The following ATP13A5 variants were observed in gnomAD, a reference collection of about 807,000 sequenced individuals.
ATP13A5 encodes probable cation-transporting ATPase 13A5.
A neutral mutation model predicts 150.2 loss-of-function variants in ATP13A5; 149 were observed. That is an observed-to-expected ratio of 0.99 (90% CI 0.87 to 1.14). The LOEUF (loss-of-function observed/expected upper bound fraction) is 1.14, where lower values mean the gene tolerates loss of function less well. ATP13A5 is among the 50% of genes most tolerant of loss of function. The pLI is 0.00. For missense variants in ATP13A5, 1,383 were observed against 1,449.3 expected (o/e 0.95, Z 0.74); for synonymous variants, 497 against 522.2 (o/e 0.95, Z 0.66).
intron 26 of ATP13A5, among the ~76,000 whole-genome samples, chr3:193,288,400 C>A (rs1317370666): frequency 1.3e-5 from 2 of 152,122 alleles, no homozygotes; most frequent in Non-Finnish European, 2.9e-5. Context: ...TATACCCCAA[C>A]CTTCAACAAC....
chr3:193,376,978 A>G (rs1473177319), intron 1 of ATP13A5, among the ~76,000 whole-genome samples: 7 of 152,150 alleles, frequency 4.6e-5, no homozygotes, highest in Non-Finnish European at 1.0e-4. Flanking sequence ...TTCCTAATAG[A>G]CATTTCTGGT....
intron 2 of ATP13A5, 67 bp downstream of exon 2, chr3:193,364,040 T>G: frequency 6.7e-7 from 1 of 1,489,672 alleles, no homozygotes; most frequent in Non-Finnish European, 9.2e-7. Context: ...GCCACAGAGT[T>G]ATGCCACAGA....
chr3:193,330,560 G>A (rs1051861891), intron 12 of ATP13A5, among the ~76,000 whole-genome samples: 3 of 152,228 alleles, frequency 2.0e-5, no homozygotes, highest in Non-Finnish European at 4.4e-5. Flanking sequence ...ACGTCATGGG[G>A]GGGTGTCAGG....
In ATP13A5 at chr3:193,362,750, CTTCTTTCTTTCTTTCTTTCTTTCTTTCT is replaced by C. The variant is rs751840109; in HGVS notation, c.385-141_385-114del. The C allele has an allele frequency of 8.4e-4, 529 of 632,670 alleles. 37 individuals carry two copies. The highest frequency in any genetic ancestry group is 1.3e-3 in the African/African-American group (50 of 39,192). 39.2% of individuals were successfully genotyped at this position (632,670 alleles called of 1,614,324 possible). On this transcript the variant is annotated intron_variant, in intron 3 of 29. Transcript: ENST00000342358. ...CCCCTTGTGGGTCTCACTTGCTTTC[CTTCTTTCTTTCTTTCTTTCTTTCTTTCT>C]TTCTTTCTTTCTTTCTTTCTTTCTT...
At chr3:193,341,438 G>T (rs1712124309) in intron 9 of ATP13A5, among the ~76,000 whole-genome samples, 1 of 152,190 alleles carries the variant, frequency 6.6e-6, no homozygotes, top group African/African-American at 2.4e-5. Flanking sequence ...AGTTGGAAGA[G>T]AATCCAACGG....
chr3:193,301,865 C>G (rs369141896), intron 23 of ATP13A5, among the ~76,000 whole-genome samples: 1 of 151,952 alleles, frequency 6.6e-6, no homozygotes, highest in Non-Finnish European at 1.5e-5. Flanking sequence ...CAGGAAGACC[C>G]CAGGGTAATA....
At position 193,303,894 on chromosome 3, in the gene ATP13A5, T is replaced by TAC. The variant is rs1414633823; in HGVS notation, c.2678+1663_2678+1664dup. On this transcript the variant is annotated intron_variant, in intron 23 of 29. Coordinates refer to ENST00000342358, the MANE Select transcript of ATP13A5 (RefSeq NM_198505.4). ...ATATGTAACATGTTACACATATACATACACATACACACACACACACACACA... is the reference window on the plus strand; with the variant it reads ...ATATGTAACATGTTACACATATACATACACACATACACACACACACACACACA... 3.3e-5 allele frequency among the ~76,000 whole-genome samples: 5 copies of TAC among 150,364 alleles called. 1 individual carries two copies. Among genetic ancestry groups the TAC allele is most frequent in the Non-Finnish European group, 7.4e-5 (5 of 67,890 alleles).
chr3:193,282,717 T>C (rs552434137), intron 27 of ATP13A5, among the ~76,000 whole-genome samples: 1 of 152,242 alleles, frequency 6.6e-6, no homozygotes, highest in African/African-American at 2.4e-5. Context: ...GGATTTGTAA[T>C]GGAGAAAACA....
intron 29 of ATP13A5, 37 bp downstream of exon 29, chr3:193,276,713 G>A (rs1413275277): frequency 6.9e-7 from 1 of 1,447,998 alleles, no homozygotes; most frequent in South Asian, 1.2e-5. Flanking sequence ...TCCTTAATTT[G>A]TTTATCTTCC....
intron 7 of ATP13A5, among the ~76,000 whole-genome samples, chr3:193,349,872 G>C (rs983433744): frequency 6.6e-6 from 1 of 152,056 alleles, no homozygotes; most frequent in Non-Finnish European, 1.5e-5. Flanking sequence ...CATATGCCTT[G>C]ATGCAGTAAC....
At chr3:193,343,427 G>T (rs996341563) in intron 9 of ATP13A5, among the ~76,000 whole-genome samples, 1 of 152,184 alleles carries the variant, frequency 6.6e-6, no homozygotes, top group East Asian at 1.9e-4. Flanking sequence ...AGAACTGTGC[G>T]ATCGTCTTTG....
intron 5 of ATP13A5, among the ~76,000 whole-genome samples, chr3:193,361,039 G>GA: frequency 6.6e-6 from 1 of 152,126 alleles, no homozygotes; most frequent in South Asian, 2.1e-4. Context: ...TGATAAATAA[G>GA]AAAAAAACAT....
In ATP13A5 at chr3:193,344,036, G is replaced by A; in HGVS notation, c.834C>T (p.Ser278=). 1 of 1,613,200 alleles carries A rather than the reference G, an allele frequency of 6.2e-7. No homozygotes were observed. Among genetic ancestry groups the A allele is most frequent in the Non-Finnish European group, 8.5e-7 (1 of 1,179,472 alleles). Residue 278 remains serine (S), a synonymous_variant, in exon 9 of 30, where the codon TCC becomes TCT. Transcript: ENST00000342358. ...GAATGTCTCCGGGAACCAAGAGACG[G>A]GATTCCAGCTCCTCCAAACCTACAC... ...VKDKGLEELE[S]RLLVPGDILI... is the part of the protein sequence containing the mutation.
chr3:193,281,929 T>A (rs1717513385), intron 27 of ATP13A5, among the ~76,000 whole-genome samples: 1 of 151,898 alleles, frequency 6.6e-6, no homozygotes. Flanking sequence ...GGTGCAGTGG[T>A]TCACCCCTGT....
At chr3:193,301,161 T>G in intron 24 of ATP13A5, 50 bp downstream of exon 24, 2 of 1,338,508 alleles carry the variant, frequency 1.5e-6, no homozygotes, top group Non-Finnish European at 2.1e-6. Context: ...AATAATAAAT[T>G]AGGGACATAA....
chr3:193,292,388 G>A (rs2108830237), intron 25 of ATP13A5, among the ~76,000 whole-genome samples: 1 of 152,258 alleles, frequency 6.6e-6, no homozygotes, highest in South Asian at 2.1e-4. Flanking sequence ...GCTCATTGTA[G>A]TTTCTTGCCT....
At chr3:193,309,819 A>G (rs1458544443) in intron 21 of ATP13A5, among the ~76,000 whole-genome samples, 1 of 152,096 alleles carries the variant, frequency 6.6e-6, no homozygotes, top group Non-Finnish European at 1.5e-5. Context: ...GGCTGGTGAG[A>G]GATTTTTTTC....
intron 24 of ATP13A5, 81 bp from the exon 25 acceptor site, chr3:193,299,284 C>T (rs951287084): frequency 2.6e-5 from 28 of 1,059,798 alleles, no homozygotes; most frequent in Middle Eastern, 4.2e-4. Flanking sequence ...CTTTTTAAGT[C>T]GTTAGGAGGC....
At chr3:193,309,149 G>C (rs189381397) in intron 21 of ATP13A5, among the ~76,000 whole-genome samples, 10 of 152,264 alleles carry the variant, frequency 6.6e-5, no homozygotes, top group Middle Eastern at 6.8e-3. Context: ...GTCTCAAGAA[G>C]TACCATTTCA....
Sources: allele counts gnomAD v4.1 joint callset (sites outside exome capture counted in the v4.1 genomes callset), GRCh38; gene constraint gnomAD v4.1.1; transcripts MANE v1.5; gene names NCBI Gene and HGNC (gene_info 2026-07-23, HGNC 2026-07-21).